Variants in RNF166 observed in about 807,000 individuals in gnomAD.
RNF166 encodes ring finger protein 166, also known as E3 ubiquitin-protein ligase RNF166.
Under a neutral mutation model 29.4 loss-of-function variants are expected in RNF166, and 19 were observed. The ratio of observed to expected loss-of-function variants is 0.65; its 90% CI spans 0.45 to 0.95. The LOEUF (loss-of-function observed/expected upper bound fraction) is 0.95. Ranked by LOEUF, RNF166 falls within the 40% of genes least tolerant of loss-of-function variation. RNF166 has a pLI of 0.00. For missense variants in RNF166, 347 were observed against 322.1 expected, an observed-to-expected ratio of 1.08 and a Z score of -0.59; for synonymous variants, 171 against 134.5, an observed-to-expected ratio of 1.27 and a Z score of -1.88.
rs140879853 is a variant in RNF166 at position 88,698,549 on chromosome 16, G to A, written c.601C>T (p.Leu201=). The A allele has an allele frequency of 4.4e-6, 7 of 1,574,344 alleles. No homozygotes were observed. In the African/African-American group the frequency reaches 8.1e-5, roughly 18 times the overall value. The part of the protein sequence containing the change: ...GDPSYKSANF[L]QHLLHRHKFS... ...TTGTGTCGGTGAAGCAGGTGCTGCA[G>A]GAAGTTGGCGCTCTTGTAGCTGGGG... The change falls in exon 5 of 6, where the codon CTG becomes TTG. Residue 201 remains leucine (L), a synonymous_variant. Coordinates refer to ENST00000312838, the MANE Select transcript of RNF166 (RefSeq NM_178841.4).
intron 1 of RNF166, chr16:88,701,766 C>T: frequency 3.7e-6 from 1 of 268,348 alleles, no homozygotes; most frequent in Non-Finnish European, 7.1e-6. Flanking sequence ...GTGGCGACAA[C>T]ACCTGGGTGG....
Position 88,698,622 on chromosome 16 carries a change from C to T in RNF166, c.541-13G>A, listed in dbSNP as rs930019127. ...AGATGGGGCACACCTGGAACAGGCACTGGGGTCAAGCCGAGCCGGACCGCG... is the reference window on the plus strand; with the variant it reads ...AGATGGGGCACACCTGGAACAGGCATTGGGGTCAAGCCGAGCCGGACCGCG... On this transcript the variant is annotated splice_polypyrimidine_tract_variant and intron_variant, in intron 4 of 5. Coordinates refer to ENST00000312838, the MANE Select transcript of RNF166 (RefSeq NM_178841.4). 2.3e-5 allele frequency: 35 copies of T among 1,503,432 alleles called. No homozygotes were observed. The East Asian group carries it at 6.4e-4, about 28-fold the overall frequency. The allele number at this position is 1,503,432 out of a possible 1,614,324, so 93.1% of individuals were successfully genotyped here.
intron 5 of RNF166, chr16:88,697,926 T>A: frequency 4.1e-6 from 2 of 483,190 alleles, no homozygotes; most frequent in South Asian, 5.1e-5. Context: ...CGGCCAGGGC[T>A]CCCTGACCTC....
chr16:88,697,677 G>T (rs1239783513), intron 5 of RNF166, 44 bp from the exon 6 acceptor site: 2 of 1,413,278 alleles, frequency 1.4e-6, no homozygotes, highest in Non-Finnish European at 2.0e-6. Flanking sequence ...AGGGAGACAG[G>T]AAGGAGAGGT....
chr16:88,702,283 G>C (rs975597838), intron 1 of RNF166, among the ~76,000 whole-genome samples: 1 of 152,236 alleles, frequency 6.6e-6, no homozygotes, highest in Non-Finnish European at 1.5e-5. Context: ...ATCTGGCCTT[G>C]TGAGGAGCAC....
chr16:88,700,886 C>T (rs1910146454), intron 2 of RNF166: 5 of 1,125,342 alleles, frequency 4.4e-6, no homozygotes, highest in Non-Finnish European at 5.5e-6. Context: ...TGCCCGCGGC[C>T]CTTGTGACCT....
chr16:88,700,294 G>A (rs574907858), intron 2 of RNF166, among the ~76,000 whole-genome samples: 3 of 152,190 alleles, frequency 2.0e-5, no homozygotes, highest in Admixed American at 6.5e-5. Flanking sequence ...GCAAGGTGCC[G>A]GGAGACACAG....
At chr16:88,699,872 T>C in intron 2 of RNF166, 140 bp from the exon 3 acceptor site, 1 of 587,066 alleles carries the variant, frequency 1.7e-6, no homozygotes, top group Non-Finnish European at 3.0e-6. Context: ...ACCCGGTCCC[T>C]TCTGCTGCTA....
In RNF166 at chr16:88,706,265, CCGGCCCGGCCGG is replaced by C. The variant is rs2142692472; in HGVS notation, c.49_60del (p.Pro17_Pro20del). 1 of 1,300,432 alleles carries C rather than the reference CCGGCCCGGCCGG, an allele frequency of 7.7e-7. No individual in the cohort carries two copies. The highest frequency in any genetic ancestry group is 3.5e-5 in the East Asian group (1 of 28,708). 80.6% of individuals were successfully genotyped at this position (1,300,432 alleles called of 1,614,324 possible). On this transcript the variant is annotated inframe_deletion, in exon 1 of 6. Transcript: ENST00000312838. The stretch of plus-strand genomic sequence containing the variant: ...GCCTCCAGGCCGCTGTCGCCGCCCG[CCGGCCCGGCCGG>C]CGGCTGCCGCTGCTGAGCCGAGGCC...
intron 2 of RNF166, 139 bp downstream of exon 2, chr16:88,701,123 C>G: frequency 7.8e-7 from 1 of 1,285,884 alleles, no homozygotes; most frequent in African/African-American, 1.5e-5. Flanking sequence ...CCGGGGCTGG[C>G]TTCCTGGTGC....
intron 1 of RNF166, chr16:88,703,234 T>G: frequency 1.0e-6 from 1 of 976,754 alleles, no homozygotes; most frequent in South Asian, 4.7e-5. Flanking sequence ...GTGGGAAGAA[T>G]CTTCTAGAAT....
Position 88,698,619 on chromosome 16 carries a change from G to T in RNF166, c.541-10C>A, listed in dbSNP as rs1909876683. ...AGCAGATGGGGCACACCTGGAACAG[G>T]CACTGGGGTCAAGCCGAGCCGGACC... On this transcript the variant is annotated splice_polypyrimidine_tract_variant and intron_variant, in intron 4 of 5. Coordinates refer to ENST00000312838, the MANE Select transcript of RNF166 (RefSeq NM_178841.4). 6.6e-7 allele frequency: 1 copy of T among 1,505,728 alleles called. No individual in the cohort carries two copies. The highest frequency in any genetic ancestry group is 1.4e-5 in the African/African-American group (1 of 72,304). 93.3% of individuals were successfully genotyped at this position (1,505,728 alleles called of 1,614,324 possible). A position where few individuals can be genotyped will look rare whatever the true frequency, so the allele number is the denominator to read the frequency against.
chr16:88,703,466 A>T (rs1255852156), intron 1 of RNF166: 10 of 985,502 alleles, frequency 1.0e-5, no homozygotes, highest in Non-Finnish European at 1.2e-5. Context: ...GGAAGGACTC[A>T]GGAAAGACAC....
intron 1 of RNF166, chr16:88,702,923 G>C: frequency 4.1e-6 from 4 of 985,500 alleles, no homozygotes; most frequent in South Asian, 4.7e-5. Flanking sequence ...GGCCTCAGGG[G>C]ACCCCCATAC....
At chr16:88,698,268 G>A in intron 5 of RNF166, 1 of 694,728 alleles carries the variant, frequency 1.4e-6, no homozygotes, top group Non-Finnish European at 2.6e-6. Flanking sequence ...GCCCTGTGCG[G>A]TCCATGTCCC....
chr16:88,704,682 G>A lies in RNF166; in HGVS notation c.155+1489C>T, dbSNP rs141274455. Among the ~76,000 whole-genome samples, 291 of 152,270 alleles carry A rather than the reference G, an allele frequency of 1.9e-3. 2 individuals are homozygous for A. Among genetic ancestry groups the A allele is most frequent in the African/African-American group, 6.8e-3 (281 of 41,544 alleles). On this transcript the variant is annotated intron_variant, in intron 1 of 5. Coordinates refer to ENST00000312838, the MANE Select transcript of RNF166 (RefSeq NM_178841.4). ...GTGCGGAACACACCTTCAAACACCC[G>A]CTACCTGCTCACAAGAAGGAAGTCC...
chr16:88,705,148 G>C (rs1236284743), intron 1 of RNF166, among the ~76,000 whole-genome samples: 2 of 152,214 alleles, frequency 1.3e-5, no homozygotes, highest in Non-Finnish European at 2.9e-5. Context: ...AGGTAATGAA[G>C]GCAGCTCTGC....
chr16:88,698,514 G>T lies in RNF166; in HGVS notation c.636C>A (p.Tyr212Ter). Reference protein sequence around the residue: ...QHLLHRHKFSYDTFVDYSIDE... With the variant: ...QHLLHRHKFS ...GCGGGATGCCTACCACAAAGGTGTC[G>T]TAGGAGAACTTGTGTCGGTGAAGCA... The change falls in exon 5 of 6, where the codon TAC (tyrosine) becomes TAA (stop). Residue 212 changes from tyrosine to a stop codon, truncating the protein, a stop_gained. Coordinates refer to ENST00000312838, the MANE Select transcript of RNF166 (RefSeq NM_178841.4). LOFTEE classifies it high-confidence loss of function. 1 of 1,569,142 alleles carries T rather than the reference G, an allele frequency of 6.4e-7. No individual in the cohort carries two copies. The highest frequency in any genetic ancestry group is 8.6e-7 in the Non-Finnish European group (1 of 1,156,750).
intron 1 of RNF166, chr16:88,701,753 C>G: frequency 3.5e-6 from 1 of 284,420 alleles, no homozygotes; most frequent in South Asian, 9.1e-5. Flanking sequence ...GGTTCACGTT[C>G]ACGTGGCGAC....
Sources: gnomAD v4.1 joint callset for allele counts (sites outside exome capture counted in the v4.1 genomes callset) on GRCh38, gnomAD v4.1.1 for gene constraint, MANE v1.5 for transcripts, NCBI Gene and HGNC (gene_info 2026-07-23, HGNC 2026-07-21) for gene names.